NCAPG2: variants seen among roughly 807,000 people sequenced by gnomAD.
The protein encoded by NCAPG2 is condensin-2 complex subunit G2.
NCAPG2 carries 53 observed loss-of-function variants against 141.1 expected under a neutral mutation model. That is an observed-to-expected ratio of 0.38 (90% confidence interval 0.30 to 0.47). NCAPG2 has a LOEUF of 0.47. NCAPG2 is among the 20% of genes least tolerant of loss of function. The pLI is 0.99. For missense variants in NCAPG2, 1,087 were observed against 1,389.0 expected, an observed-to-expected ratio of 0.78 and a Z score of 3.46; for synonymous variants, 499 against 490.7, an observed-to-expected ratio of 1.02 and a Z score of -0.22.
At chr7:158,670,711 T>C (rs1833631469) in intron 13 of NCAPG2, among the ~76,000 whole-genome samples, 1 of 152,186 alleles carries the variant, frequency 6.6e-6, no homozygotes, top group Non-Finnish European at 1.5e-5. Flanking sequence ...TATACTTCCA[T>C]ATCTTAGAGG....
At chr7:158,651,633 C>T (rs571166110) in intron 23 of NCAPG2, among the ~76,000 whole-genome samples, 6 of 152,220 alleles carry the variant, frequency 3.9e-5, no homozygotes, top group East Asian at 1.9e-4. Context: ...TCACGTGGTA[C>T]GAGAACTGAC....
intron 27 of NCAPG2, among the ~76,000 whole-genome samples, chr7:158,635,957 C>T (rs2129455689): frequency 6.6e-6 from 1 of 152,256 alleles, no homozygotes; most frequent in African/African-American, 2.4e-5. Context: ...TTTCTTGTTT[C>T]ATCAATTTGT....
chr7:158,690,620 G>A lies in NCAPG2; in HGVS notation c.485C>T (p.Thr162Ile). Residue 162 changes from threonine to isoleucine, a missense_variant, in exon 5 of 28, where the codon ACA becomes ATA. Transcript: ENST00000356309. Reference protein sequence around the residue: ...WEKGLPAKEDTGKTAFVMLLR... With the variant: ...WEKGLPAKEDIGKTAFVMLLR... ...TAACATGACAAAGGCTGTCTTTCCTGTGTCTTCCTTGGCAGGCAGGCCTTT... is the reference window on the plus strand; with the variant it reads ...TAACATGACAAAGGCTGTCTTTCCTATGTCTTCCTTGGCAGGCAGGCCTTT... 1.9e-6 allele frequency: 3 copies of A among 1,614,134 alleles called. No individual in the cohort carries two copies. Among genetic ancestry groups the A allele is most frequent in the Admixed American group, 1.7e-5 (1 of 60,022 alleles).
At chr7:158,689,538 C>G (rs1834995321) in intron 6 of NCAPG2, among the ~76,000 whole-genome samples, 1 of 152,212 alleles carries the variant, frequency 6.6e-6, no homozygotes, top group South Asian at 2.1e-4. Context: ...TAGAGAAGTG[C>G]TTTCTCAACC....
chr7:158,680,751 T>C lies in NCAPG2; in HGVS notation c.990A>G (p.Leu330=). ...RQGVEEMLYR[L]YKPILWRGLK... is the part of the protein sequence containing the mutation. ...ATCCTCTCCAAAGGATGGGCTTATA[T>C]AATCTATAAAGCATCTCTTCCACTC... The change falls in exon 10 of 28, where the codon TTA becomes TTG. Residue 330 remains leucine (L), a synonymous_variant. Coordinates refer to ENST00000356309, the MANE Select transcript of NCAPG2 (RefSeq NM_017760.7). 6.2e-7 allele frequency: 1 copy of C among 1,602,864 alleles called. No homozygotes were observed. The highest frequency in any genetic ancestry group is 8.5e-7 in the Non-Finnish European group (1 of 1,173,566).
Position 158,686,153 on chromosome 7 carries a change from T to TTATTAATAAG in NCAPG2, c.837+18_837+19insCTTATTAATA. The TTATTAATAAG allele has an allele frequency of 6.9e-7, 1 of 1,452,714 alleles. No homozygotes were observed. The highest frequency in any genetic ancestry group is 1.3e-5 in the South Asian group (1 of 76,766). The allele number at this position is 1,452,714 out of a possible 1,614,324, so 90.0% of individuals were successfully genotyped here. A position where few individuals can be genotyped will look rare whatever the true frequency, so the allele number is the denominator to read the frequency against. ...AATATAATAAAAATAAGTGTTAACA[T>TTATTAATAAG]TTAAAAAAATGAAAATACCTCCAGT... On this transcript the variant is annotated intron_variant, in intron 8 of 27. Transcript: ENST00000356309.
intron 2 of NCAPG2, 86 bp from the exon 3 acceptor site, chr7:158,693,583 T>A: frequency 6.0e-6 from 7 of 1,173,310 alleles, no homozygotes; most frequent in East Asian, 2.5e-5. Flanking sequence ...AAAAGTTAAG[T>A]GTTAACTTCA....
chr7:158,660,112 AG>A (rs1328498341), intron 16 of NCAPG2, among the ~76,000 whole-genome samples: 4 of 151,996 alleles, frequency 2.6e-5, no homozygotes, highest in African/African-American at 9.7e-5. Flanking sequence ...AAAAAAAAAA[AG>A]AAAATATCTC....
In NCAPG2 at chr7:158,690,698, G is replaced by C; in HGVS notation, c.407C>G (p.Ser136Cys). The C allele has an allele frequency of 6.2e-7, 1 of 1,614,030 alleles. No homozygotes were observed. The highest frequency in any genetic ancestry group is 8.5e-7 in the Non-Finnish European group (1 of 1,179,948). The change falls in exon 5 of 28, where the codon TCT (serine) becomes TGT (cysteine). Residue 136 changes from serine (S) to cysteine (C), a missense_variant. Physicochemically the swap from Ser to Cys is moderately radical, Grantham distance 112. Coordinates refer to ENST00000356309, the MANE Select transcript of NCAPG2 (RefSeq NM_017760.7). ...LNGILYALPE[S>C]ERKLQSSIQD... ...AATAGAACTCTGTAGTTTTCGTTCA[G>C]ACTCAGGTAATGCATATAAAATACC...
chr7:158,667,520 C>A (rs1833168489), intron 13 of NCAPG2, among the ~76,000 whole-genome samples: 1 of 75,870 alleles, frequency 1.3e-5, no homozygotes, highest in Non-Finnish European at 2.6e-5. Context: ...GTCCCTCCGC[C>A]CTCCTTACCT....
At chr7:158,655,670 A>ACG (rs1831864574) in intron 19 of NCAPG2, among the ~76,000 whole-genome samples, 1 of 2,550 alleles carries the variant, frequency 3.9e-4, no homozygotes, top group Non-Finnish European at 8.2e-4. Context: ...CTCACCGTCC[A>ACG]CAGCCCTTGC....
In NCAPG2 at chr7:158,693,302, A is replaced by C; in HGVS notation, c.267+7T>G. ...AACGTTTCTTATTTTTGAAAAACAA[A>C]TACTACCATTTTTGAGCCATGTTCG... On this transcript the variant is annotated splice_region_variant and intron_variant, in intron 3 of 27. Transcript: ENST00000356309. 1 of 1,596,592 alleles carries C rather than the reference A, an allele frequency of 6.3e-7. No homozygotes were observed. Among genetic ancestry groups the C allele is most frequent in the African/African-American group, 1.4e-5 (1 of 73,822 alleles).
chr7:158,635,025 C>T (rs984263706), intron 27 of NCAPG2, among the ~76,000 whole-genome samples: 4 of 152,288 alleles, frequency 2.6e-5, no homozygotes, highest in East Asian at 3.9e-4. Context: ...CTCAAAACTT[C>T]GCCACCTTTC....
At chr7:158,650,013 T>G (rs1000963331) in intron 24 of NCAPG2, among the ~76,000 whole-genome samples, 6 of 152,246 alleles carry the variant, frequency 3.9e-5, no homozygotes, top group Non-Finnish European at 7.3e-5. Flanking sequence ...AATAAGATAG[T>G]CAGTAATAAT....
intron 6 of NCAPG2, among the ~76,000 whole-genome samples, chr7:158,688,608 T>C (rs911779721): frequency 5.9e-5 from 9 of 152,214 alleles, no homozygotes; most frequent in Non-Finnish European, 1.0e-4. Context: ...CAGGGGTTCT[T>C]ATCCACCAGC....
intron 16 of NCAPG2, among the ~76,000 whole-genome samples, chr7:158,660,372 T>C (rs1832385128): frequency 2.6e-5 from 4 of 151,046 alleles, no homozygotes; most frequent in Middle Eastern, 3.4e-3. Context: ...AATGCTGGTT[T>C]CTCAGTCCCA....
intron 24 of NCAPG2, among the ~76,000 whole-genome samples, 155 bp downstream of exon 24, chr7:158,650,677 C>T (rs1015304914): frequency 6.6e-6 from 1 of 152,162 alleles, no homozygotes; most frequent in African/African-American, 2.4e-5. Flanking sequence ...AGCTATCAAA[C>T]TCTGAGGTGT....
chr7:158,686,413 GAGA>G (rs1326516970), intron 7 of NCAPG2, among the ~76,000 whole-genome samples, 172 bp from the exon 8 acceptor site: 10 of 152,222 alleles, frequency 6.6e-5, no homozygotes, highest in Non-Finnish European at 1.3e-4. Context: ...GTAGAAAACG[GAGA>G]AGGTTTTGGG....
rs981793267 is a variant in NCAPG2, at chr7:158,701,765, G to A, written c.78+57C>T. On this transcript the variant is annotated intron_variant, in intron 2 of 27. Coordinates refer to ENST00000356309, the MANE Select transcript of NCAPG2 (RefSeq NM_017760.7). ...TTCTTTTGGGGACATAATGACTTTAGAACATATTTCATATTCACAGTCAAA... is the reference window on the plus strand; with the variant it reads ...TTCTTTTGGGGACATAATGACTTTAAAACATATTTCATATTCACAGTCAAA... 16 of 1,426,904 alleles carry A rather than the reference G, an allele frequency of 1.1e-5. No homozygotes were observed. The Admixed American group carries it at 2.6e-4, about 23-fold the overall frequency. 88.4% of individuals were successfully genotyped at this position (1,426,904 alleles called of 1,614,324 possible). A position where few individuals can be genotyped will look rare whatever the true frequency, so the allele number is the denominator to read the frequency against.
Sources: gnomAD v4.1 joint callset for allele counts (sites outside exome capture counted in the v4.1 genomes callset) on GRCh38, gnomAD v4.1.1 for gene constraint, MANE v1.5 for transcripts, NCBI Gene and HGNC (gene_info 2026-07-23, HGNC 2026-07-21) for gene names.